Variants in THOC5 observed in about 807,000 individuals in gnomAD.
The protein encoded by THOC5 is THO complex subunit 5.
Under a neutral mutation model 92.9 loss-of-function variants are expected in THOC5, and 43 were observed. The ratio of observed to expected loss-of-function variants is 0.46; its 90% CI spans 0.36 to 0.60. The LOEUF (loss-of-function observed/expected upper bound fraction) is 0.60, where lower values mean the gene tolerates loss of function less well. Among genes scored for constraint, THOC5 ranks in the 20% least tolerant of loss-of-function variants. The pLI, the probability that THOC5 is intolerant of heterozygous loss-of-function variation, is 0.00. For synonymous variants in THOC5, 296 were observed against 320.1 expected (o/e 0.92, Z 0.80); for missense variants, 659 against 849.4 (o/e 0.78, Z 2.79).
At chr22:29,534,200 T>G (rs1393867900) in intron 7 of THOC5, among the ~76,000 whole-genome samples, 1 of 152,198 alleles carries the variant, frequency 6.6e-6, no homozygotes, top group Admixed American at 6.5e-5. Flanking sequence ...TATGATTCTC[T>G]TTGTATAGAG....
At chr22:29,540,803 G>A (rs1162768970) in intron 5 of THOC5, among the ~76,000 whole-genome samples, 1 of 152,090 alleles carries the variant, frequency 6.6e-6, no homozygotes, top group African/African-American at 2.4e-5. Flanking sequence ...TCAAAACCAG[G>A]AACTGACACT....
intron 12 of THOC5, 90 bp downstream of exon 12, chr22:29,525,748 G>C: frequency 2.0e-6 from 2 of 1,015,604 alleles, no homozygotes. Context: ...CCTCTCCAGA[G>C]CCAGAGGGAG....
chr22:29,509,620 G>A (rs117427725), intron 19 of THOC5, among the ~76,000 whole-genome samples: 345 of 150,720 alleles, frequency 2.3e-3, no homozygotes, highest in Middle Eastern at 0.021. Context: ...AGAACAAGGT[G>A]AGGGAGAGGT....
Position 29,536,714 on chromosome 22 carries a change from G to A in THOC5, c.624C>T (p.Cys208=), listed in dbSNP as rs779529594. 5.0e-6 allele frequency: 8 copies of A among 1,611,418 alleles called. No homozygotes were observed. In the East Asian group the frequency reaches 1.3e-4, roughly 27 times the overall value. Residue 208 remains cysteine (C), a synonymous_variant, in exon 7 of 20, where the codon TGC becomes TGT. Transcript: ENST00000490103. ...TGAGAATCTTCTCCTTGTTAGATAG[G>A]CACTCTCGGTACTTCTCTGCCAGCC... The part of the protein sequence containing the change: ...RKRLAEKYRE[C]LSNKEKILKE...
chr22:29,519,942 C>T, intron 14 of THOC5, 66 bp downstream of exon 14: 1 of 1,406,248 alleles, frequency 7.1e-7, no homozygotes, highest in South Asian at 1.2e-5. Flanking sequence ...CCTGGCCTTT[C>T]TAGAGTCTAT....
rs190051710 is a variant in THOC5 at position 29,517,805 on chromosome 22, G to A, written c.1490-439C>T. Among the ~76,000 whole-genome samples the A allele has an allele frequency of 6.9e-4, 105 of 152,308 alleles. 2 individuals are homozygous for A. Among genetic ancestry groups the A allele is most frequent in the African/African-American group, 1.2e-4 (5 of 41,570 alleles). On this transcript the variant is annotated intron_variant, in intron 15 of 19. Transcript: ENST00000490103. Reference sequence around the variant, plus strand: ...AACTGCTCCAGGGTAAATTCCTGCTGGCATTTAAATAAGCAAATATGCCAA... The same window carrying A: ...AACTGCTCCAGGGTAAATTCCTGCTAGCATTTAAATAAGCAAATATGCCAA...
Position 29,539,128 on chromosome 22 carries a change from A to AG in THOC5, c.599+201_599+202insC, listed in dbSNP as rs57637785. ...CCATCTCAAAAAAAAAAAAAAAAAA[A>AG]AAACCCTTAAGCAATTATAACCCCA... On this transcript the variant is annotated intron_variant, in intron 6 of 19. Transcript: ENST00000490103. 3.7e-3 allele frequency among the ~76,000 whole-genome samples: 567 copies of AG among 151,598 alleles called. 8 individuals carry two copies. The Middle Eastern group carries it at 0.038, about 10-fold the overall frequency.
At chr22:29,531,522 C>T (rs1341834119) in intron 8 of THOC5, 7 of 1,106,812 alleles carry the variant, frequency 6.3e-6, no homozygotes, top group Non-Finnish European at 7.7e-6. Context: ...AACTGCCAAG[C>T]GTGCCTTGAT....
intron 10 of THOC5, 32 bp downstream of exon 10, chr22:29,528,394 T>C (rs1235586602): frequency 1.2e-6 from 2 of 1,614,072 alleles, no homozygotes; most frequent in East Asian, 2.2e-5. Context: ...ATGCAGCTGC[T>C]TGATGCCCCC....
rs567867318 is a variant in THOC5 at position 29,521,734 on chromosome 22, G to A, written c.1176-635C>T. 9.9e-5 allele frequency among the ~76,000 whole-genome samples: 15 copies of A among 152,242 alleles called. No homozygotes were observed. The East Asian group carries it at 2.1e-3, about 22-fold the overall frequency. ...CACTGCCACCCACCTGGGATGGTTC[G>A]GGCACAGTTTGTCATTAAATGTGAC... On this transcript the variant is annotated intron_variant, in intron 12 of 19. Transcript: ENST00000490103.
chr22:29,508,525 A>G lies in THOC5; in HGVS notation c.1989-5T>C, dbSNP rs2063162505. On this transcript the variant is annotated splice_polypyrimidine_tract_variant and splice_region_variant and intron_variant, in intron 19 of 19. Coordinates refer to ENST00000490103, the MANE Select transcript of THOC5 (RefSeq NM_003678.5). ...GGCTTCATCCTGCTAGGACCCCTAG[A>G]GAAATAGGAGAACGGAGTTGTTAAT... 4 of 1,612,814 alleles carry G rather than the reference A, an allele frequency of 2.5e-6. No individual in the cohort carries two copies. Among genetic ancestry groups the G allele is most frequent in the Non-Finnish European group, 2.5e-6 (3 of 1,178,758 alleles).
At chr22:29,545,022 C>T (rs1337569036) in intron 2 of THOC5, 3 of 415,424 alleles carry the variant, frequency 7.2e-6, no homozygotes, top group Non-Finnish European at 1.4e-5. Flanking sequence ...TAAAGACACA[C>T]CTGAAACTGG....
chr22:29,546,842 T>C (rs2064031777), intron 2 of THOC5, among the ~76,000 whole-genome samples: 2 of 150,206 alleles, frequency 1.3e-5, no homozygotes, highest in African/African-American at 4.9e-5. Context: ...CCAAGTCACT[T>C]CTTTTTTTTT....
intron 17 of THOC5, chr22:29,513,804 C>T (rs1249347039): frequency 6.6e-6 from 1 of 152,090 alleles, no homozygotes; most frequent in African/African-American, 2.4e-5. Flanking sequence ...TTAAGACCAG[C>T]CTGGTCAACA....
chr22:29,543,678 G>A, intron 3 of THOC5, 136 bp from the exon 4 acceptor site: 1 of 566,724 alleles, frequency 1.8e-6, no homozygotes, highest in Non-Finnish European at 3.1e-6. Flanking sequence ...GAAGGGTCAT[G>A]AAGAAAATAA....
Position 29,536,647 on chromosome 22 carries a change from GC to G in THOC5, c.690del (p.Gln230HisfsTer112). The G allele has an allele frequency of 6.2e-7, 1 of 1,612,244 alleles. No homozygotes were observed. The highest frequency in any genetic ancestry group is 8.5e-7 in the Non-Finnish European group (1 of 1,178,224). Reference protein sequence around the residue: ...EVKKEYLSSLQPRLNSIMQAS... With the variant: ...EVKKEYLSSLXPRLNSIMQAS... ...ACCTGCATGATGCTGTTGAGGCGGGGCTGGAGGCTGCTCAGGTACTCCTTCT... is the reference window on the plus strand; with the variant it reads ...ACCTGCATGATGCTGTTGAGGCGGGGTGGAGGCTGCTCAGGTACTCCTTCT... On this transcript the variant is annotated frameshift_variant, in exon 7 of 20. Transcript: ENST00000490103. LOFTEE classifies it high-confidence loss of function.
At chr22:29,544,436 C>G in intron 3 of THOC5, 24 bp downstream of exon 3, 11 of 1,606,326 alleles carry the variant, frequency 6.8e-6, no homozygotes, top group Non-Finnish European at 9.4e-6. Context: ...ACCAGGTTCA[C>G]GGCCACCTGG....
rs1358944553 is a variant in THOC5, at chr22:29,506,089, A to AT, written c.*2367dup. ...TGGCCAGGCTGGTCTTGAACTCCTG[A>AT]TCTCAGGTGATCCGCCCACCAGCCT... On this transcript the variant is annotated 3_prime_UTR_variant, in exon 20 of 20. Transcript: ENST00000490103. 1 of 152,082 alleles carries AT rather than the reference A, an allele frequency of 6.6e-6. No homozygotes were observed. The highest frequency in any genetic ancestry group is 1.5e-5 in the Non-Finnish European group (1 of 68,046). 9.4% of individuals were successfully genotyped at this position (152,082 alleles called of 1,614,324 possible). A position where few individuals can be genotyped will look rare whatever the true frequency, so the allele number is the denominator to read the frequency against.
At chr22:29,520,572 T>C (rs1270311610) in intron 13 of THOC5, among the ~76,000 whole-genome samples, 2 of 152,196 alleles carry the variant, frequency 1.3e-5, no homozygotes, top group Non-Finnish European at 2.9e-5. Flanking sequence ...CATGGCTCAC[T>C]GCAGCCTCAA....
Sources: allele counts gnomAD v4.1 joint callset (sites outside exome capture counted in the v4.1 genomes callset), GRCh38; gene constraint gnomAD v4.1.1; transcripts MANE v1.5; gene names NCBI Gene and HGNC (gene_info 2026-07-23, HGNC 2026-07-21).